NKAIN3: variants seen among roughly 807,000 people sequenced by gnomAD.
NKAIN3 encodes sodium/potassium transporting ATPase interacting 3.
NKAIN3 carries 25 observed loss-of-function variants against 30.2 expected under a neutral mutation model. The ratio of observed to expected loss-of-function variants is 0.83; its 90% confidence interval spans 0.60 to 1.16. NKAIN3 has a LOEUF of 1.16. Ranked by LOEUF, NKAIN3 falls within the 50% of genes most tolerant of loss-of-function variation. The probability of loss-of-function intolerance (pLI) is 0.00; values close to 1 mark genes in which losing one functional copy is unlikely to be tolerated. For synonymous variants in NKAIN3, 91 were observed against 89.6 expected (o/e 1.02, Z -0.09); for missense variants, 225 against 254.1 (o/e 0.89, Z 0.78).
intron 3 of NKAIN3, among the ~76,000 whole-genome samples, chr8:62,592,482 A>G (rs73259160): frequency 0.017 from 2,654 of 152,160 alleles, 75 homozygotes; most frequent in African/African-American, 0.062. Flanking sequence ...CCCATAGAGT[A>G]ACCAATATAA....
chr8:62,355,756 C>T (rs913219189), intron 1 of NKAIN3, among the ~76,000 whole-genome samples: 1 of 152,176 alleles, frequency 6.6e-6, no homozygotes, highest in African/African-American at 2.4e-5. Flanking sequence ...TCTACACATG[C>T]ATTTGCGACA....
At chr8:62,506,309 G>A (rs866031576) in intron 1 of NKAIN3, among the ~76,000 whole-genome samples, 60 of 151,176 alleles carry the variant, frequency 4.0e-4, no homozygotes, top group Non-Finnish European at 1.0e-4. Flanking sequence ...ATTCCAAAGT[G>A]CCATTTCAAA....
chr8:62,497,518 A>T (rs1015452163), intron 1 of NKAIN3, among the ~76,000 whole-genome samples: 4 of 152,052 alleles, frequency 2.6e-5, no homozygotes, highest in African/African-American at 9.7e-5. Flanking sequence ...ACTGTTTCTA[A>T]GTAAGAGGAC....
chr8:62,399,996 T>C (rs1198859908), intron 1 of NKAIN3, among the ~76,000 whole-genome samples: 3 of 151,952 alleles, frequency 2.0e-5, no homozygotes, highest in Admixed American at 2.0e-4. Flanking sequence ...CTCCTGAACA[T>C]AGAGGGGCTA....
chr8:62,597,020 C>T (rs1049343654), intron 3 of NKAIN3, among the ~76,000 whole-genome samples: 31 of 152,168 alleles, frequency 2.0e-4, no homozygotes, highest in African/African-American at 6.7e-4. Context: ...ACAGTAAGAT[C>T]TCTTCCCTGT....
At chr8:62,924,234 A>T (rs972826489) in intron 5 of NKAIN3, among the ~76,000 whole-genome samples, 1 of 151,998 alleles carries the variant, frequency 6.6e-6, no homozygotes, top group Non-Finnish European at 1.5e-5. Flanking sequence ...CACCCTTCAG[A>T]TTTCAGCTTA....
intron 1 of NKAIN3, among the ~76,000 whole-genome samples, chr8:62,486,542 T>C (rs1285880359): frequency 6.6e-6 from 1 of 152,174 alleles, no homozygotes; most frequent in African/African-American, 2.4e-5. Context: ...ATGTCTGGTG[T>C]AGCTAACCAC....
intron 1 of NKAIN3, among the ~76,000 whole-genome samples, chr8:62,500,490 A>G (rs59364445): frequency 1.0e-4 from 14 of 138,714 alleles, no homozygotes; most frequent in South Asian, 2.2e-4. Context: ...AGAAAGAAGA[A>G]AAGAAAGAAA....
chr8:62,379,157 G>A (rs1817189078), intron 1 of NKAIN3, among the ~76,000 whole-genome samples: 1 of 152,182 alleles, frequency 6.6e-6, no homozygotes. Flanking sequence ...ACTTACATGG[G>A]GCCTGTAGCC....
chr8:62,636,327 A>C (rs1812126839), intron 3 of NKAIN3, among the ~76,000 whole-genome samples: 2 of 152,180 alleles, frequency 1.3e-5, no homozygotes, highest in South Asian at 4.1e-4. Context: ...AAAATTATAG[A>C]AATAAGGTAG....
chr8:62,277,439 A>G (rs1812998924), intron 1 of NKAIN3, among the ~76,000 whole-genome samples: 1 of 152,058 alleles, frequency 6.6e-6, no homozygotes, highest in Admixed American at 6.6e-5. Context: ...CCCACTCCTA[A>G]TCCCTCTGAA....
At chr8:62,289,833 A>G (rs897285184) in intron 1 of NKAIN3, among the ~76,000 whole-genome samples, 25 of 152,200 alleles carry the variant, frequency 1.6e-4, no homozygotes, top group Non-Finnish European at 3.2e-4. Flanking sequence ...TACCTTGGGC[A>G]GTATGGCCAT....
chr8:62,621,019 T>G (rs2130229312), intron 3 of NKAIN3, among the ~76,000 whole-genome samples: 1 of 152,322 alleles, frequency 6.6e-6, no homozygotes, highest in South Asian at 2.1e-4. Context: ...GTATTAATTC[T>G]AGCTGACTTC....
chr8:62,778,448 C>A (rs1353314821), intron 4 of NKAIN3, among the ~76,000 whole-genome samples: 1 of 152,100 alleles, frequency 6.6e-6, no homozygotes, highest in Non-Finnish European at 1.5e-5. Context: ...TCTCCCCTTT[C>A]CGCAAGCAGA....
chr8:62,256,331 A>T (rs1812261204), intron 1 of NKAIN3, among the ~76,000 whole-genome samples: 1 of 152,144 alleles, frequency 6.6e-6, no homozygotes, highest in African/African-American at 2.4e-5. Flanking sequence ...AGGTGGGAGG[A>T]TTGCTTGAAC....
At chr8:62,864,210 T>G in intron 4 of NKAIN3, 3 of 680,260 alleles carry the variant, frequency 4.4e-6, no homozygotes, top group Non-Finnish European at 2.5e-6. Flanking sequence ...TGGCGAATAC[T>G]GCGCAGAAGT....
chr8:62,887,633 C>T (rs1338138896), intron 4 of NKAIN3, among the ~76,000 whole-genome samples: 2 of 152,116 alleles, frequency 1.3e-5, no homozygotes, highest in African/African-American at 2.4e-5. Context: ...TGCGCAAGCT[C>T]AGAGATTTTC....
chr8:62,398,797 A>G (rs1262677867), intron 1 of NKAIN3, among the ~76,000 whole-genome samples: 2 of 152,268 alleles, frequency 1.3e-5, no homozygotes, highest in South Asian at 4.1e-4. Flanking sequence ...GATGTTAAAT[A>G]TAAGAAATTA....
intron 4 of NKAIN3, among the ~76,000 whole-genome samples, chr8:62,859,811 G>A (rs781057662): frequency 2.0e-5 from 3 of 152,120 alleles, no homozygotes; most frequent in African/African-American, 2.4e-5. Flanking sequence ...GTCCTAGGTA[G>A]TGGTCATAGA....
Sources: allele counts gnomAD v4.1 joint callset (sites outside exome capture counted in the v4.1 genomes callset), GRCh38; gene constraint gnomAD v4.1.1; transcripts MANE v1.5; gene names NCBI Gene and HGNC (gene_info 2026-07-23, HGNC 2026-07-21).